The following TRDN variants were observed in gnomAD, a reference collection of about 807,000 sequenced individuals.
The protein encoded by TRDN is triadin in skeletal muscle.
Under a neutral mutation model 149.7 loss-of-function variants are expected in TRDN, and 161 were observed. The observed-to-expected ratio is 1.08, with a 90% CI of 0.95 to 1.23. The LOEUF is 1.23. Among genes scored for constraint, TRDN ranks in the 50% most tolerant of loss-of-function variants. TRDN has a pLI of 0.00. For missense variants in TRDN, 896 were observed against 823.5 expected, an observed-to-expected ratio of 1.09 and a Z score of -1.08; for synonymous variants, 294 against 250.5, an observed-to-expected ratio of 1.17 and a Z score of -1.64.
chr6:123,397,047 GAA>G (rs5879676), intron 12 of TRDN, among the ~76,000 whole-genome samples: 3 of 147,912 alleles, frequency 2.0e-5, no homozygotes, highest in Non-Finnish European at 3.0e-5. Context: ...TCCCATCTCT[GAA>G]AAAAAAAACA....
At chr6:123,262,062 G>A (rs962346148) in intron 33 of TRDN, among the ~76,000 whole-genome samples, 9 of 151,932 alleles carry the variant, frequency 5.9e-5, no homozygotes, top group Non-Finnish European at 1.2e-4. Flanking sequence ...TACAGTCTGA[G>A]TATTCTAACA....
At chr6:123,270,106 C>T (rs1423845352) in intron 30 of TRDN, among the ~76,000 whole-genome samples, 1 of 151,964 alleles carries the variant, frequency 6.6e-6, no homozygotes, top group Non-Finnish European at 1.5e-5. Flanking sequence ...ATTTGAGTCA[C>T]AAATACATTG....
chr6:123,592,324 C>G (rs988058345), intron 1 of TRDN, among the ~76,000 whole-genome samples: 2 of 152,192 alleles, frequency 1.3e-5, no homozygotes, highest in African/African-American at 4.8e-5. Flanking sequence ...TTTTATTAAG[C>G]ATTCCCAAGA....
chr6:123,246,669 T>C lies in TRDN; in HGVS notation c.1975+5743A>G, dbSNP rs1776193517. 3.3e-5 allele frequency among the ~76,000 whole-genome samples: 5 copies of C among 150,564 alleles called. No individual in the cohort carries two copies. In the South Asian group the frequency reaches 1.0e-3, roughly 31 times the overall value. On this transcript the variant is annotated intron_variant, in intron 38 of 40. Coordinates refer to ENST00000334268, the MANE Select transcript of TRDN (RefSeq NM_006073.4). ...GTTCTACCAGAGGTACAAAGAGGAG[T>C]TAGTACCATACCTTCTGAAACTATT...
intron 38 of TRDN, among the ~76,000 whole-genome samples, chr6:123,235,603 A>T (rs59582120): frequency 6.6e-6 from 1 of 152,118 alleles, no homozygotes; most frequent in African/African-American, 2.4e-5. Context: ...TGAGTTTTTC[A>T]GTGCAAACTT....
At chr6:123,293,227 T>C (rs1029648656) in intron 24 of TRDN, among the ~76,000 whole-genome samples, 1 of 152,116 alleles carries the variant, frequency 6.6e-6, no homozygotes, top group African/African-American at 2.4e-5. Context: ...TAACTAACCA[T>C]AGTGATGCTG....
At chr6:123,434,765 AT>A (rs550924781) in intron 12 of TRDN, among the ~76,000 whole-genome samples, 14 of 151,530 alleles carry the variant, frequency 9.2e-5, no homozygotes, top group South Asian at 8.3e-4. Flanking sequence ...TACCAAGATG[AT>A]TTTTTTTTAA....
chr6:123,528,271 A>ATT (rs11286718), intron 5 of TRDN, among the ~76,000 whole-genome samples: 66,025 of 149,156 alleles, frequency 0.44, 14,856 homozygotes, highest in Admixed American at 0.52. Context: ...ATTCTGTGTG[A>ATT]TTTTTTTTTT....
At chr6:123,319,901 G>A (rs1779179133) in intron 23 of TRDN, among the ~76,000 whole-genome samples, 1 of 152,032 alleles carries the variant, frequency 6.6e-6, no homozygotes, top group African/African-American at 2.4e-5. Context: ...ATTTTTCAAT[G>A]TCATCAATAG....
At chr6:123,591,975 C>T (rs1783808076) in intron 1 of TRDN, among the ~76,000 whole-genome samples, 1 of 152,134 alleles carries the variant, frequency 6.6e-6, no homozygotes, top group African/African-American at 2.4e-5. Context: ...TTCTTTTCCT[C>T]TTTGATATGA....
At chr6:123,371,108 A>G (rs1238170791) in intron 19 of TRDN, among the ~76,000 whole-genome samples, 1 of 152,016 alleles carries the variant, frequency 6.6e-6, no homozygotes, top group African/African-American at 2.4e-5. Flanking sequence ...AGAATTTTGA[A>G]CATCTAGTTT....
chr6:123,598,998 C>T (rs1463821747), intron 1 of TRDN, among the ~76,000 whole-genome samples: 2 of 152,024 alleles, frequency 1.3e-5, no homozygotes, highest in Non-Finnish European at 2.9e-5. Context: ...CTAGCATCTG[C>T]ACCTCGGTGT....
At chr6:123,528,541 T>G (rs1780062921) in intron 5 of TRDN, 1 of 713,358 alleles carries the variant, frequency 1.4e-6, no homozygotes, top group South Asian at 6.2e-5. Flanking sequence ...TACTACTACC[T>G]TTCAAATACT....
intron 12 of TRDN, among the ~76,000 whole-genome samples, chr6:123,396,279 T>C (rs1269309995): frequency 1.3e-5 from 2 of 152,058 alleles, no homozygotes; most frequent in Admixed American, 6.6e-5. Context: ...TCTAAACCTA[T>C]ACAAAAATAA....
At chr6:123,359,973 G>C (rs7745562) in intron 20 of TRDN, among the ~76,000 whole-genome samples, 127,815 of 152,024 alleles carry the variant, frequency 0.84, 54,700 homozygotes, top group Middle Eastern at 0.93. Context: ...GGGATTACAG[G>C]CATGAGCCAC....
intron 1 of TRDN, among the ~76,000 whole-genome samples, chr6:123,578,125 T>C (rs1782945012): frequency 6.6e-6 from 1 of 152,214 alleles, no homozygotes; most frequent in Non-Finnish European, 1.5e-5. Flanking sequence ...GTGCAGAAGC[T>C]CTAAAGTTTA....
At chr6:123,603,371 CTTCTT>C (rs564258665) in intron 1 of TRDN, among the ~76,000 whole-genome samples, 160 of 152,068 alleles carry the variant, frequency 1.1e-3, no homozygotes, top group African/African-American at 3.8e-3. Flanking sequence ...CCTCTCAAAA[CTTCTT>C]TTATTTACAT....
chr6:123,615,496 G>A (rs1002810846), intron 1 of TRDN, among the ~76,000 whole-genome samples: 11 of 151,666 alleles, frequency 7.3e-5, no homozygotes, highest in Admixed American at 1.3e-4. Context: ...GTGTGTGTGT[G>A]TATATATATA....
intron 13 of TRDN, among the ~76,000 whole-genome samples, chr6:123,388,848 A>G (rs542170680): frequency 1.3e-5 from 2 of 152,190 alleles, no homozygotes; most frequent in African/African-American, 2.4e-5. Flanking sequence ...TAAATTTTAT[A>G]TCTGAGGAAA....
Sources: gnomAD v4.1 joint callset for allele counts (sites outside exome capture counted in the v4.1 genomes callset) on GRCh38, gnomAD v4.1.1 for gene constraint, MANE v1.5 for transcripts, NCBI Gene and HGNC (gene_info 2026-07-23, HGNC 2026-07-21) for gene names.